Variants in NTRK3 observed in about 807,000 individuals in gnomAD.
NTRK3 encodes neurotrophic receptor tyrosine kinase 3.
A neutral mutation model predicts 91.7 loss-of-function variants in NTRK3; 24 were observed. The observed-to-expected ratio is 0.26, with a 90% CI of 0.19 to 0.37. The LOEUF (loss-of-function observed/expected upper bound fraction) is 0.37, where lower values mean the gene tolerates loss of function less well. Among genes scored for constraint, NTRK3 ranks in the 10% least tolerant of loss-of-function variants. The pLI is 1.00. For missense variants in NTRK3, 880 were observed against 1,068.9 expected (o/e 0.82, Z 2.46); for synonymous variants, 483 against 404.0 (o/e 1.20, Z -2.34).
intron 17 of NTRK3, among the ~76,000 whole-genome samples, chr15:87,900,490 C>T (rs111334601): frequency 2.0e-4 from 31 of 152,250 alleles, no homozygotes; most frequent in African/African-American, 7.5e-4. Context: ...GTCTTGGCAG[C>T]CCATGTTTTC....
At chr15:88,021,665 G>C (rs534043289) in intron 14 of NTRK3, among the ~76,000 whole-genome samples, 7 of 152,176 alleles carry the variant, frequency 4.6e-5, no homozygotes, top group African/African-American at 1.7e-4. Context: ...CAGCTGGAGA[G>C]AAGATGGAAG....
intron 13 of NTRK3, among the ~76,000 whole-genome samples, chr15:88,081,360 C>G (rs886113737): frequency 6.6e-6 from 1 of 152,196 alleles, no homozygotes; most frequent in Non-Finnish European, 1.5e-5. Flanking sequence ...GCCACCACTC[C>G]CATCCAGGCC....
chr15:87,896,618 T>C (rs1178594858), intron 17 of NTRK3, among the ~76,000 whole-genome samples: 1 of 152,008 alleles, frequency 6.6e-6, no homozygotes, highest in African/African-American at 2.4e-5. Flanking sequence ...GGTAGAACTC[T>C]GTGTTCTCCC....
chr15:88,067,618 A>T (rs1246258182), intron 13 of NTRK3, among the ~76,000 whole-genome samples: 3 of 152,188 alleles, frequency 2.0e-5, no homozygotes, highest in Admixed American at 2.0e-4. Context: ...GAGGTCAGAG[A>T]GGACGTGGGA....
chr15:87,906,857 T>C (rs1225006178), intron 17 of NTRK3, among the ~76,000 whole-genome samples: 1 of 152,130 alleles, frequency 6.6e-6, no homozygotes, highest in Non-Finnish European at 1.5e-5. Flanking sequence ...ACTCTTAATT[T>C]GCTATATACT....
intron 5 of NTRK3, among the ~76,000 whole-genome samples, chr15:88,157,689 G>A (rs537491906): frequency 4.6e-5 from 7 of 152,212 alleles, no homozygotes; most frequent in African/African-American, 7.2e-5. Context: ...TGGCCTACAC[G>A]AGGGACGCCG....
chr15:87,968,087 CT>C (rs1305484104), intron 14 of NTRK3, among the ~76,000 whole-genome samples: 1 of 152,086 alleles, frequency 6.6e-6, no homozygotes, highest in East Asian at 1.9e-4. Context: ...TAGTGTATGC[CT>C]TTTTTACTCT....
chr15:88,226,454 A>C (rs1352849295), intron 3 of NTRK3, among the ~76,000 whole-genome samples: 2 of 152,234 alleles, frequency 1.3e-5, no homozygotes, highest in African/African-American at 4.8e-5. Context: ...AAGGGCAGTG[A>C]GATGACCCAC....
chr15:88,184,601 C>G (rs915643385), intron 3 of NTRK3, among the ~76,000 whole-genome samples: 3 of 152,256 alleles, frequency 2.0e-5, no homozygotes, highest in African/African-American at 7.2e-5. Flanking sequence ...AGTTCAATCT[C>G]CCTGCTTGTC....
chr15:88,058,049 TG>T (rs1355567308), intron 13 of NTRK3, among the ~76,000 whole-genome samples: 25 of 152,196 alleles, frequency 1.6e-4, no homozygotes, highest in Admixed American at 1.3e-4. Flanking sequence ...TCGCTCTCTC[TG>T]GGTGAGATCT....
At chr15:87,880,511 T>A (rs2141471255) in intron 17 of NTRK3, 83 bp from the exon 19 acceptor site, 1 of 1,449,758 alleles carries the variant, frequency 6.9e-7, no homozygotes, top group Non-Finnish European at 9.5e-7. Flanking sequence ...CACACATAGA[T>A]GCACTCTTGA....
intron 17 of NTRK3, among the ~76,000 whole-genome samples, chr15:87,902,753 G>A (rs180794095): frequency 1.3e-3 from 197 of 152,188 alleles, no homozygotes; most frequent in African/African-American, 4.4e-3. Context: ...TAGAAAATTC[G>A]ACTCTCAAGT....
chr15:87,880,174 C>T (rs866809322), intron 18 of NTRK3, 96 bp downstream of exon 19: 2 of 1,507,190 alleles, frequency 1.3e-6, no homozygotes, highest in African/African-American at 1.4e-5. Context: ...GGCTCTAAAT[C>T]CCACCTAATG....
intron 3 of NTRK3, among the ~76,000 whole-genome samples, chr15:88,202,188 TCTC>T (rs1424057751): frequency 6.6e-6 from 1 of 152,172 alleles, no homozygotes. Flanking sequence ...TTCCAGGTCT[TCTC>T]CTAGCTAATC....
intron 17 of NTRK3, among the ~76,000 whole-genome samples, chr15:87,918,416 G>A (rs918569280): frequency 6.6e-5 from 10 of 151,950 alleles, no homozygotes; most frequent in Admixed American, 5.2e-4. Flanking sequence ...CCTTAGTTTC[G>A]GCCAGTTGAA....
At chr15:87,916,314 A>G in intron 17 of NTRK3, 2 of 413,208 alleles carry the variant, frequency 4.8e-6, no homozygotes, top group Non-Finnish European at 8.7e-6. Context: ...TCAGGAAAAA[A>G]AAAAAAAAGG....
chr15:88,035,169 G>C (rs1322259926), intron 13 of NTRK3, among the ~76,000 whole-genome samples: 3 of 152,204 alleles, frequency 2.0e-5, no homozygotes, highest in African/African-American at 7.2e-5. Flanking sequence ...ATGACCAACA[G>C]GACTGCAGGG....
chr15:88,231,109 C>T (rs888540850), intron 3 of NTRK3, among the ~76,000 whole-genome samples: 2 of 152,182 alleles, frequency 1.3e-5, no homozygotes, highest in Non-Finnish European at 2.9e-5. Flanking sequence ...CTCATAACCA[C>T]CATCAACTCA....
At chr15:88,254,746 G>T (rs1003884122) in intron 3 of NTRK3, among the ~76,000 whole-genome samples, 2 of 152,282 alleles carry the variant, frequency 1.3e-5, no homozygotes, top group East Asian at 3.9e-4. Flanking sequence ...CCTTGGCCAG[G>T]ACCTCAGCAC....
Sources: gnomAD v4.1 joint callset for allele counts (sites outside exome capture counted in the v4.1 genomes callset) on GRCh38, gnomAD v4.1.1 for gene constraint, MANE v1.5 for transcripts, NCBI Gene and HGNC (gene_info 2026-07-23, HGNC 2026-07-21) for gene names.